CERKL: variants seen among roughly 807,000 people sequenced by gnomAD.
The protein encoded by CERKL is CERK like autophagy regulator.
A neutral mutation model predicts 63.4 loss-of-function variants in CERKL; 61 were observed. That is an observed-to-expected ratio of 0.96 (90% CI 0.78 to 1.19). CERKL has a LOEUF of 1.19. Ranked by LOEUF, CERKL falls within the 50% of genes most tolerant of loss-of-function variation. The pLI, the probability that CERKL is intolerant of heterozygous loss-of-function variation, is 0.00. For synonymous variants in CERKL, 250 were observed against 230.5 expected (o/e 1.08, Z -0.77); for missense variants, 675 against 655.5 (o/e 1.03, Z -0.33).
intron 8 of CERKL, 177 bp downstream of exon 8, chr2:181,548,367 GA>G (rs2105803129): frequency 1.6e-6 from 1 of 607,756 alleles, no homozygotes; most frequent in Non-Finnish European, 2.9e-6. Flanking sequence ...AGGAAAAAGA[GA>G]AAAAGGCTGA....
At chr2:181,604,512 G>A (rs1007180955) in intron 1 of CERKL, among the ~76,000 whole-genome samples, 1 of 152,256 alleles carries the variant, frequency 6.6e-6, no homozygotes, top group Admixed American at 6.5e-5. Context: ...AGAATAAATG[G>A]AAGAGAGTCC....
At chr2:181,655,132 A>C (rs935728487) in intron 1 of CERKL, among the ~76,000 whole-genome samples, 1 of 152,200 alleles carries the variant, frequency 6.6e-6, no homozygotes, top group Non-Finnish European at 1.5e-5. Context: ...GGCATAATTA[A>C]ACAAAGAATC....
chr2:181,555,752 CTTTT>C (rs34713780), intron 5 of CERKL, among the ~76,000 whole-genome samples: 3 of 120,144 alleles, frequency 2.5e-5, no homozygotes, highest in African/African-American at 3.3e-5. Context: ...CATTATTAAA[CTTTT>C]TTTTTTTTTT....
At chr2:181,583,941 T>G (rs1684647216) in intron 2 of CERKL, among the ~76,000 whole-genome samples, 1 of 152,250 alleles carries the variant, frequency 6.6e-6, no homozygotes, top group African/African-American at 2.4e-5. Context: ...TATCATTCAT[T>G]GATTTGGCAG....
At chr2:181,607,933 T>C (rs1685786685) in intron 1 of CERKL, among the ~76,000 whole-genome samples, 1 of 152,282 alleles carries the variant, frequency 6.6e-6, no homozygotes, top group Non-Finnish European at 1.5e-5. Flanking sequence ...GGCTTGGTTA[T>C]ATTTGTGGGT....
At chr2:181,542,183 G>C (rs1687537931) in intron 11 of CERKL, among the ~76,000 whole-genome samples, 1 of 152,212 alleles carries the variant, frequency 6.6e-6, no homozygotes, top group South Asian at 2.1e-4. Context: ...AAAGCAATAG[G>C]ATGGAGCTGC....
intron 6 of CERKL, 25 bp downstream of exon 6, chr2:181,549,609 T>C (rs753943349): frequency 7.2e-6 from 11 of 1,523,188 alleles, no homozygotes; most frequent in Non-Finnish European, 1.0e-5. Context: ...TTATAAAATA[T>C]GAACTGCTTT....
intron 10 of CERKL, among the ~76,000 whole-genome samples, chr2:181,545,939 A>G (rs578169211): frequency 6.6e-6 from 1 of 152,266 alleles, no homozygotes; most frequent in South Asian, 2.1e-4. Flanking sequence ...AGAATATAAG[A>G]ATATTAGTTC....
At chr2:181,632,196 G>C (rs1190120478) in intron 1 of CERKL, among the ~76,000 whole-genome samples, 1 of 152,060 alleles carries the variant, frequency 6.6e-6, no homozygotes, top group African/African-American at 2.4e-5. Flanking sequence ...TTAAATTTCA[G>C]TGGTTAAGAG....
chr2:181,572,905 T>C (rs1389305941), intron 3 of CERKL, among the ~76,000 whole-genome samples: 1 of 151,862 alleles, frequency 6.6e-6, no homozygotes, highest in Non-Finnish European at 1.5e-5. Context: ...GCCACATCAC[T>C]GTGAATCCCT....
intron 5 of CERKL, 102 bp from the exon 6 acceptor site, chr2:181,549,810 AAAAT>A (rs1687909431): frequency 2.5e-6 from 2 of 799,694 alleles, no homozygotes; most frequent in African/African-American, 3.4e-5. Context: ...GTTCAGATGA[AAAAT>A]AAACGAGAAT....
At chr2:181,544,478 G>A (rs1342337288) in intron 11 of CERKL, among the ~76,000 whole-genome samples, 1 of 151,766 alleles carries the variant, frequency 6.6e-6, no homozygotes, top group African/African-American at 2.4e-5. Context: ...TGTGGTTACA[G>A]ATACATAACC....
intron 2 of CERKL, among the ~76,000 whole-genome samples, chr2:181,575,048 T>G (rs916264328): frequency 1.3e-5 from 2 of 152,156 alleles, no homozygotes; most frequent in Admixed American, 6.5e-5. Flanking sequence ...GCTCAATGCC[T>G]TCCTTTTTCC....
intron 2 of CERKL, among the ~76,000 whole-genome samples, chr2:181,583,234 T>A (rs571398167): frequency 6.6e-6 from 1 of 151,852 alleles, no homozygotes; most frequent in African/African-American, 2.4e-5. Flanking sequence ...CAGGCAAGGA[T>A]GATCAATGTG....
intron 1 of CERKL, among the ~76,000 whole-genome samples, chr2:181,623,724 T>C (rs1347947145): frequency 1.3e-5 from 2 of 152,210 alleles, no homozygotes. Context: ...TCTGCAATTC[T>C]GAAATCCCCA....
chr2:181,617,087 A>T (rs1686229103), intron 1 of CERKL, among the ~76,000 whole-genome samples: 1 of 152,208 alleles, frequency 6.6e-6, no homozygotes, highest in Admixed American at 6.5e-5. Context: ...GGAGCACCAA[A>T]TTTTACTAAT....
intron 12 of CERKL, 60 bp downstream of exon 12, chr2:181,539,028 TTTCG>T: frequency 8.3e-7 from 1 of 1,208,742 alleles, no homozygotes; most frequent in South Asian, 1.2e-5. Context: ...AGAAGAGAGC[TTTCG>T]TTGTAATATT....
At chr2:181,651,824 A>G (rs1021077465) in intron 1 of CERKL, among the ~76,000 whole-genome samples, 2 of 152,046 alleles carry the variant, frequency 1.3e-5, no homozygotes, top group Non-Finnish European at 2.9e-5. Flanking sequence ...AAGACACAAA[A>G]TCAACATATA....
At chr2:181,548,933 T>C (rs1479118552) in intron 6 of CERKL, 76 bp from the exon 7 acceptor site, 5 of 1,328,664 alleles carry the variant, frequency 3.8e-6, no homozygotes, top group East Asian at 2.3e-5. Flanking sequence ...AGAGAGCATA[T>C]TTATTGGCTT....
Sources: gnomAD v4.1 joint callset for allele counts (sites outside exome capture counted in the v4.1 genomes callset) on GRCh38, gnomAD v4.1.1 for gene constraint, MANE v1.5 for transcripts, NCBI Gene and HGNC (gene_info 2026-07-23, HGNC 2026-07-21) for gene names.